ARHGEF38: variants seen among roughly 807,000 people sequenced by gnomAD.
ARHGEF38 encodes the protein Rho guanine nucleotide exchange factor (GEF) 38.
Under a neutral mutation model 79.9 loss-of-function variants are expected in ARHGEF38, and 79 were observed. The ratio of observed to expected loss-of-function variants is 0.99; its 90% CI spans 0.82 to 1.19. The LOEUF (loss-of-function observed/expected upper bound fraction) is 1.19, where lower values mean the gene tolerates loss of function less well. Among genes scored for constraint, ARHGEF38 ranks in the 50% most tolerant of loss-of-function variants. ARHGEF38 has a pLI of 0.00. For synonymous variants in ARHGEF38, 366 were observed against 328.3 expected, an observed-to-expected ratio of 1.11 and a Z score of -1.24; for missense variants, 962 against 907.2, an observed-to-expected ratio of 1.06 and a Z score of -0.78.
At chr4:105,574,194 G>A (rs1294008016) in intron 1 of ARHGEF38, among the ~76,000 whole-genome samples, 1 of 152,006 alleles carries the variant, frequency 6.6e-6, no homozygotes, top group African/African-American at 2.4e-5. Context: ...CACTTTGGAT[G>A]CCTTTATCTC....
intron 1 of ARHGEF38, among the ~76,000 whole-genome samples, chr4:105,559,974 G>A (rs1267259752): frequency 1.3e-5 from 2 of 152,058 alleles, no homozygotes; most frequent in Non-Finnish European, 2.9e-5. Context: ...GGTAGGCCTT[G>A]GGTTTGAGAT....
In ARHGEF38 at chr4:105,679,777, C is replaced by A; in HGVS notation, c.*1840C>A. On this transcript the variant is annotated 3_prime_UTR_variant, in exon 14 of 14. Transcript: ENST00000420470. ...TTGGTTGATAAAAACATATACAAAC[C>A]CCTGTCTGTCCAGCTTTACCCACGC... The A allele has an allele frequency of 1.0e-6, 1 of 971,354 alleles. No homozygotes were observed. 60.2% of individuals were successfully genotyped at this position (971,354 alleles called of 1,614,324 possible).
chr4:105,596,400 A>G (rs1243759672), intron 2 of ARHGEF38, among the ~76,000 whole-genome samples: 2 of 152,134 alleles, frequency 1.3e-5, no homozygotes, highest in African/African-American at 4.8e-5. Context: ...AGCGTCAGCC[A>G]TCATACCAAC....
At chr4:105,639,543 T>G (rs1428877421) in intron 5 of ARHGEF38, among the ~76,000 whole-genome samples, 1 of 152,024 alleles carries the variant, frequency 6.6e-6, no homozygotes, top group Non-Finnish European at 1.5e-5. Flanking sequence ...TATCTCGAAA[T>G]TATTTTAGTG....
chr4:105,560,697 G>A (rs1167117573), intron 1 of ARHGEF38, among the ~76,000 whole-genome samples: 3 of 152,170 alleles, frequency 2.0e-5, no homozygotes, highest in Non-Finnish European at 2.9e-5. Context: ...TGAAGCCCTC[G>A]ATAGAGGATG....
chr4:105,561,278 T>A (rs986580009), intron 1 of ARHGEF38, among the ~76,000 whole-genome samples: 19 of 151,892 alleles, frequency 1.3e-4, no homozygotes, highest in African/African-American at 4.6e-4. Context: ...GGTGCATGCC[T>A]GTAATCCCAG....
At chr4:105,576,131 G>A (rs990922805) in intron 1 of ARHGEF38, among the ~76,000 whole-genome samples, 1 of 151,866 alleles carries the variant, frequency 6.6e-6, no homozygotes, top group African/African-American at 2.4e-5. Flanking sequence ...GTTATTTGGG[G>A]GCTTTTTTGG....
Position 105,679,733 on chromosome 4 carries a change from G to T in ARHGEF38, c.*1796G>T. On this transcript the variant is annotated 3_prime_UTR_variant, in exon 14 of 14. Transcript: ENST00000420470. ...GTAATTTGTGTTTTTTGTTCCACAT[G>T]TCTTAGTTGACCTTTCTCTTGGTTG... The T allele has an allele frequency of 1.2e-6, 1 of 824,544 alleles. No homozygotes were observed. Among genetic ancestry groups the T allele is most frequent in the Non-Finnish European group, 2.1e-6 (1 of 469,662 alleles). 51.1% of individuals were successfully genotyped at this position (824,544 alleles called of 1,614,324 possible). A position where few individuals can be genotyped will look rare whatever the true frequency, so the allele number is the denominator to read the frequency against.
intron 13 of ARHGEF38, among the ~76,000 whole-genome samples, chr4:105,676,282 T>C (rs1002732593): frequency 1.9e-4 from 29 of 152,210 alleles, no homozygotes; most frequent in Admixed American, 1.9e-3. Context: ...TACCTTCAAA[T>C]ATGACATATT....
In ARHGEF38 at chr4:105,679,123, G is replaced by A. The variant is rs908292137; in HGVS notation, c.*1186G>A. The A allele has an allele frequency of 4.3e-5, 26 of 600,876 alleles. No homozygotes were observed. Among genetic ancestry groups the A allele is most frequent in the African/African-American group, 5.7e-5 (3 of 52,200 alleles). The allele number at this position is 600,876 out of a possible 1,614,324, so 37.2% of individuals were successfully genotyped here. On this transcript the variant is annotated 3_prime_UTR_variant, in exon 14 of 14. Transcript: ENST00000420470. Reference sequence around the variant, plus strand: ...CCACTTCGTCTTCTACCATCTTGCCGACTTTCCTGAGCAACTGCTTTGTCG... The same window carrying A: ...CCACTTCGTCTTCTACCATCTTGCCAACTTTCCTGAGCAACTGCTTTGTCG...
intron 1 of ARHGEF38, among the ~76,000 whole-genome samples, chr4:105,575,007 C>CAT (rs1553937457): frequency 2.5e-4 from 19 of 76,608 alleles, no homozygotes; most frequent in Admixed American, 1.5e-3. Context: ...CATACACACA[C>CAT]ATATATACAC....
intron 5 of ARHGEF38, among the ~76,000 whole-genome samples, chr4:105,639,897 A>C (rs903955609): frequency 2.6e-5 from 4 of 152,112 alleles, no homozygotes; most frequent in Non-Finnish European, 5.9e-5. Context: ...AATGATATAT[A>C]GCCCTGTTTC....
chr4:105,614,664 T>C (rs1232532425), intron 3 of ARHGEF38, among the ~76,000 whole-genome samples: 1 of 152,176 alleles, frequency 6.6e-6, no homozygotes, highest in African/African-American at 2.4e-5. Flanking sequence ...TGTGATGAAA[T>C]GTCCCCAACA....
intron 3 of ARHGEF38, among the ~76,000 whole-genome samples, chr4:105,623,268 C>T (rs1466875388): frequency 6.6e-6 from 1 of 152,208 alleles, no homozygotes; most frequent in South Asian, 2.1e-4. Context: ...ACAGAGGGTC[C>T]AGGAGGTGAT....
chr4:105,613,452 G>A lies in ARHGEF38; in HGVS notation c.453G>A (p.Leu151=), dbSNP rs1728384195. ...CCGTGCATCAGATATCAGCCAAGCT[G>A]CTGTCATTGTTGGAAGAGGCCACAA... is the stretch of plus-strand genomic sequence containing the variant. ...IESVHQISAK[L]LSLLEEATTD... is the part of the protein sequence containing the mutation. Residue 151 remains leucine (L), a synonymous_variant, in exon 3 of 14, where the codon CTG becomes CTA. Transcript: ENST00000420470. The A allele has an allele frequency of 6.2e-7, 1 of 1,613,376 alleles. No homozygotes were observed. Among genetic ancestry groups the A allele is most frequent in the African/African-American group, 1.3e-5 (1 of 75,016 alleles).
intron 2 of ARHGEF38, among the ~76,000 whole-genome samples, chr4:105,598,938 A>G (rs550753236): frequency 6.6e-6 from 1 of 152,316 alleles, no homozygotes; most frequent in East Asian, 1.9e-4. Flanking sequence ...TGACTGTGTT[A>G]ATACATAATA....
At chr4:105,646,585 G>C (rs1729850687) in intron 6 of ARHGEF38, among the ~76,000 whole-genome samples, 1 of 152,178 alleles carries the variant, frequency 6.6e-6, no homozygotes, top group Non-Finnish European at 1.5e-5. Context: ...CAAAGTTGAA[G>C]ATGCACAGAC....
At chr4:105,593,501 G>C (rs964877134) in intron 2 of ARHGEF38, among the ~76,000 whole-genome samples, 1 of 152,174 alleles carries the variant, frequency 6.6e-6, no homozygotes, top group Non-Finnish European at 1.5e-5. Context: ...TCACGCCACT[G>C]TACTGCAGCC....
chr4:105,610,186 A>G (rs1260302929), intron 2 of ARHGEF38, among the ~76,000 whole-genome samples: 1 of 152,078 alleles, frequency 6.6e-6, no homozygotes, highest in East Asian at 1.9e-4. Context: ...AGAGGGGAAC[A>G]ACACACACTA....
Sources: gnomAD v4.1 joint callset for allele counts (sites outside exome capture counted in the v4.1 genomes callset) on GRCh38, gnomAD v4.1.1 for gene constraint, MANE v1.5 for transcripts, NCBI Gene and HGNC (gene_info 2026-07-23, HGNC 2026-07-21) for gene names.